PDLIM7: variants seen among roughly 807,000 people sequenced by gnomAD.
PDLIM7 encodes the protein PDZ and LIM domain 7, also known as PDZ and LIM domain protein 7.
PDLIM7 carries 37 observed loss-of-function variants against 53.9 expected under a neutral mutation model. The ratio of observed to expected loss-of-function variants is 0.69; its 90% CI spans 0.53 to 0.90. PDLIM7 has a LOEUF of 0.90. PDLIM7 is among the 40% of genes least tolerant of loss of function. PDLIM7 has a pLI of 0.00. For missense variants in PDLIM7, 617 were observed against 638.5 expected (o/e 0.97, Z 0.36); for synonymous variants, 300 against 261.3 (o/e 1.15, Z -1.43).
At chr5:177,488,008 G>T in intron 10 of PDLIM7, 60 bp downstream of exon 10, 1 of 1,502,850 alleles carries the variant, frequency 6.7e-7, no homozygotes, top group Non-Finnish European at 8.9e-7. Context: ...GGGTTTCCCA[G>T]CAGCCCTCGT....
chr5:177,495,405 G>C (rs563609446), intron 2 of PDLIM7, among the ~76,000 whole-genome samples: 1 of 152,122 alleles, frequency 6.6e-6, no homozygotes. Context: ...CTGCCCACCC[G>C]GCGCCTGGGT....
chr5:177,490,472 G>C (rs372805285), intron 7 of PDLIM7: 12 of 1,545,382 alleles, frequency 7.8e-6, no homozygotes, highest in Non-Finnish European at 1.0e-5. Context: ...GAGGCAGAGA[G>C]GGCAGCCGGC....
At chr5:177,489,949 T>C (rs1240757922) in intron 7 of PDLIM7, 117 bp from the exon 8 acceptor site, 2 of 1,537,096 alleles carry the variant, frequency 1.3e-6, no homozygotes, top group South Asian at 1.2e-5. Context: ...AACTGCCGAG[T>C]TGGATTCCAG....
chr5:177,490,831 G>A (rs761221723), intron 7 of PDLIM7, 39 bp downstream of exon 7: 19 of 1,610,496 alleles, frequency 1.2e-5, no homozygotes, highest in Non-Finnish European at 1.5e-5. Flanking sequence ...GAATGGAAGA[G>A]GCAGGAGGTG....
At chr5:177,491,335 T>C in intron 5 of PDLIM7, 189 bp from the exon 6 acceptor site, 1 of 1,533,196 alleles carries the variant, frequency 6.5e-7, no homozygotes, top group Non-Finnish European at 8.8e-7. Flanking sequence ...GCAGCCAGGG[T>C]GGGGAGGGGC....
intron 10 of PDLIM7, among the ~76,000 whole-genome samples, chr5:177,487,390 C>T (rs552344759): frequency 1.7e-4 from 26 of 152,380 alleles, no homozygotes; most frequent in African/African-American, 6.3e-4. Context: ...TGGCAGCATC[C>T]TCTAAGGATG....
In PDLIM7 at chr5:177,496,419, G is replaced by A. The variant is rs781549892; in HGVS notation, c.94C>T (p.Arg32Trp). ...CCCCTCCCCAAACCTAGGCTCACCC[G>A]GGAAATGGAGAGGGGCACATTGAAG... is the stretch of plus-strand genomic sequence containing the variant. ...KDFNVPLSIS[R>W]LTPGGKAAQA... Residue 32 changes from arginine to tryptophan, a missense_variant and splice_region_variant, in exon 2 of 13, where the codon CGG becomes TGG. Arg to Trp is a moderately radical substitution (Grantham distance 101). Coordinates refer to ENST00000355841, the MANE Select transcript of PDLIM7 (RefSeq NM_005451.5). The A allele has an allele frequency of 6.3e-7, 1 of 1,590,458 alleles. No individual in the cohort carries two copies.
intron 7 of PDLIM7, 151 bp from the exon 8 acceptor site, chr5:177,489,983 A>G (rs1039110320): frequency 1.8e-5 from 27 of 1,535,442 alleles, no homozygotes; most frequent in Non-Finnish European, 2.3e-5. Flanking sequence ...AGGGATGGGA[A>G]GGGCAGCTTC....
rs1758315470 is a variant in PDLIM7 at position 177,484,062 on chromosome 5, G to C, written c.1171+8C>G. 6.2e-7 allele frequency: 1 copy of C among 1,613,966 alleles called. No individual in the cohort carries two copies. ...CATCCCTCCTCACCCTCACTGGCCA[G>C]TGGGTACCTCGCTCGCAATAGGGCA... On this transcript the variant is annotated splice_region_variant and intron_variant, in intron 11 of 12. Coordinates refer to ENST00000355841, the MANE Select transcript of PDLIM7 (RefSeq NM_005451.5).
chr5:177,490,440 G>A, intron 7 of PDLIM7: 2 of 1,532,440 alleles, frequency 1.3e-6, no homozygotes, highest in Non-Finnish European at 1.7e-6. Context: ...GGGGTGCCCT[G>A]GGCAGGAGGA....
rs1758732675 is a variant in PDLIM7, at chr5:177,490,861, T to C, written c.572+9A>G. 6.2e-7 allele frequency: 1 copy of C among 1,613,718 alleles called. No homozygotes were observed. Among genetic ancestry groups the C allele is most frequent in the African/African-American group, 1.3e-5 (1 of 74,848 alleles). On this transcript the variant is annotated intron_variant, in intron 7 of 12. Transcript: ENST00000355841. ...GAGGTGGGAGAGGGGCTGGTGCCCG[T>C]CCCTGTACCTTGATTTCTTCAGGTG... is the stretch of plus-strand genomic sequence containing the variant.
At chr5:177,490,279 A>ATG in intron 7 of PDLIM7, 1 of 1,443,690 alleles carries the variant, frequency 6.9e-7, no homozygotes, top group Non-Finnish European at 9.1e-7. Flanking sequence ...TGCCCAAGGC[A>ATG]GCACAGACCT....
Position 177,488,254 on chromosome 5 carries a change from G to T in PDLIM7, c.870-6C>A, listed in dbSNP as rs187173027. ...GCGCCACCAGGTAGCGGCCCCTGCA[G>T]GGAGGCGAGAGCGGTCAGAGGGAGC... On this transcript the variant is annotated splice_region_variant and splice_polypyrimidine_tract_variant and intron_variant, in intron 9 of 12. Transcript: ENST00000355841. The T allele has an allele frequency of 3.1e-6, 5 of 1,594,294 alleles. No homozygotes were observed. The Admixed American group carries it at 6.9e-5, about 22-fold the overall frequency.
intron 2 of PDLIM7, among the ~76,000 whole-genome samples, chr5:177,494,763 AC>A (rs1758979800): frequency 6.6e-6 from 1 of 151,934 alleles, no homozygotes; most frequent in Admixed American, 6.5e-5. Context: ...AGGGGGCTGG[AC>A]CCTGCATGAG....
chr5:177,484,224 G>A (rs1037663801), intron 10 of PDLIM7, 34 bp from the exon 11 acceptor site: 1 of 1,608,314 alleles, frequency 6.2e-7, no homozygotes, highest in South Asian at 1.1e-5. Flanking sequence ...GGCAGGCTCA[G>A]GCCCCTCCTG....
At chr5:177,496,340 G>C in intron 2 of PDLIM7, 77 bp downstream of exon 2, 1 of 1,119,670 alleles carries the variant, frequency 8.9e-7, no homozygotes, top group Non-Finnish European at 1.2e-6. Context: ...CTCCTGTTAG[G>C]ACTCCCCCCA....
Position 177,492,598 on chromosome 5 carries a change from C to T in PDLIM7, c.176G>A (p.Gly59Asp). The T allele has an allele frequency of 6.2e-7, 1 of 1,613,308 alleles. No individual in the cohort carries two copies. The highest frequency in any genetic ancestry group is 8.5e-7 in the Non-Finnish European group (1 of 1,179,998). The part of the protein sequence containing the change: ...WVLSIDGENA[G>D]SLTHIEAQNK... The stretch of plus-strand genomic sequence containing the variant: ...CTGAGCTTCGATGTGTGTGAGGCTA[C>T]CCGCATTCTCGCCATCGATGCTCAG... Residue 59 changes from glycine (G) to aspartate (D), a missense_variant, in exon 3 of 13, where the codon GGT becomes GAT. Transcript: ENST00000355841.
Position 177,484,088 on chromosome 5 carries a change from C to T in PDLIM7, c.1153G>A (p.Val385Met), listed in dbSNP as rs369739119. Residue 385 changes from valine (V) to methionine (M), a missense_variant, in exon 11 of 13, where the codon GTG (valine) becomes ATG (methionine). Physicochemically the swap from Val to Met is conservative, Grantham distance 21. Coordinates refer to ENST00000355841, the MANE Select transcript of PDLIM7 (RefSeq NM_005451.5). Reference sequence around the variant, plus strand: ...TGGGTACCTCGCTCGCAATAGGGCACGCCCTCCTCCATGTAGAAGGCCCTG... The same window carrying T: ...TGGGTACCTCGCTCGCAATAGGGCATGCCCTCCTCCATGTAGAAGGCCCTG... The part of the protein sequence containing the change: ...RNRAFYMEEG[V>M]PYCERDYEKM... 2.7e-5 allele frequency: 43 copies of T among 1,613,924 alleles called. No individual in the cohort carries two copies. The highest frequency in any genetic ancestry group is 1.6e-4 in the Middle Eastern group (1 of 6,084).
Position 177,492,395 on chromosome 5 carries a change from A to T in PDLIM7, c.279+10T>A, listed in dbSNP as rs1758842194. 1 of 1,612,938 alleles carries T rather than the reference A, an allele frequency of 6.2e-7. No individual in the cohort carries two copies. The highest frequency in any genetic ancestry group is 1.3e-5 in the African/African-American group (1 of 74,898). On this transcript the variant is annotated intron_variant, in intron 4 of 12. Transcript: ENST00000355841. Reference sequence around the variant, plus strand: ...CGCCCACCGCCCGGATGTCCCGGCCAGCCTCGTACCTTCTGCGGTTTGCTC... The same window carrying T: ...CGCCCACCGCCCGGATGTCCCGGCCTGCCTCGTACCTTCTGCGGTTTGCTC...
Sources: gnomAD v4.1 joint callset for allele counts (sites outside exome capture counted in the v4.1 genomes callset) on GRCh38, gnomAD v4.1.1 for gene constraint, MANE v1.5 for transcripts, NCBI Gene and HGNC (gene_info 2026-07-23, HGNC 2026-07-21) for gene names.